Variants in KCNB2 observed in about 807,000 individuals in gnomAD.
The protein encoded by KCNB2 is potassium voltage-gated channel subfamily B member 2, also known as delayed rectifier potassium channel protein.
In KCNB2, 15 loss-of-function variants were observed where a neutral mutation model predicts 61.5. The ratio of observed to expected loss-of-function variants is 0.24; its 90% CI spans 0.16 to 0.38. The LOEUF (loss-of-function observed/expected upper bound fraction) is 0.38. Ranked by LOEUF, KCNB2 falls within the 10% of genes least tolerant of loss-of-function variation. The pLI is 1.00. For synonymous variants in KCNB2, 457 were observed against 446.0 expected, an observed-to-expected ratio of 1.02 and a Z score of -0.31; for missense variants, 828 against 1,125.2, an observed-to-expected ratio of 0.74 and a Z score of 3.78.
intron 2 of KCNB2, among the ~76,000 whole-genome samples, chr8:72,628,945 G>A (rs139599010): frequency 1.2e-4 from 19 of 152,228 alleles, no homozygotes; most frequent in Non-Finnish European, 2.1e-4. Flanking sequence ...TGTGCAGCCC[G>A]AGAATTTATG....
intron 2 of KCNB2, among the ~76,000 whole-genome samples, chr8:72,924,361 AT>A (rs61487070): frequency 0.25 from 37,535 of 151,752 alleles, 5,092 homozygotes; most frequent in African/African-American, 0.35. Flanking sequence ...TCCAATTCTG[AT>A]TTTTTTTTTA....
chr8:72,569,296 G>C (rs775800810), intron 2 of KCNB2, among the ~76,000 whole-genome samples: 2 of 152,116 alleles, frequency 1.3e-5, no homozygotes, highest in Non-Finnish European at 2.9e-5. Flanking sequence ...GAATTCTTTT[G>C]ATTTACTGTT....
intron 1 of KCNB2, among the ~76,000 whole-genome samples, chr8:72,562,465 C>T (rs1806552940): frequency 6.6e-6 from 1 of 152,038 alleles, no homozygotes; most frequent in Admixed American, 6.5e-5. Context: ...TTTTTTTTCT[C>T]TAGAAGACTA....
chr8:72,722,298 C>G (rs1807563914), intron 2 of KCNB2, among the ~76,000 whole-genome samples: 1 of 152,178 alleles, frequency 6.6e-6, no homozygotes, highest in Non-Finnish European at 1.5e-5. Flanking sequence ...TAAATCTTAC[C>G]TGCCAAGATC....
intron 2 of KCNB2, among the ~76,000 whole-genome samples, chr8:72,786,269 C>T (rs1034089938): frequency 6.6e-6 from 1 of 152,090 alleles, no homozygotes; most frequent in African/African-American, 2.4e-5. Context: ...CATGAATACC[C>T]GTAATCCTTT....
At chr8:72,676,380 G>T (rs1360388862) in intron 2 of KCNB2, among the ~76,000 whole-genome samples, 1 of 151,812 alleles carries the variant, frequency 6.6e-6, no homozygotes, top group Non-Finnish European at 1.5e-5. Flanking sequence ...TCTCCCAAAA[G>T]CATCGTGGAA....
intron 2 of KCNB2, among the ~76,000 whole-genome samples, chr8:72,816,546 T>C (rs1809399708): frequency 6.6e-6 from 1 of 152,224 alleles, no homozygotes; most frequent in South Asian, 2.1e-4. Context: ...AGCAGATGAA[T>C]TCAATGGTAA....
intron 2 of KCNB2, among the ~76,000 whole-genome samples, chr8:72,900,393 C>T (rs1299060518): frequency 1.3e-5 from 2 of 151,998 alleles, no homozygotes; most frequent in Non-Finnish European, 2.9e-5. Context: ...AATAAAAATC[C>T]TAAGAGAAAA....
At chr8:72,623,677 ACT>A (rs1214775823) in intron 2 of KCNB2, among the ~76,000 whole-genome samples, 1 of 152,122 alleles carries the variant, frequency 6.6e-6, no homozygotes, top group African/African-American at 2.4e-5. Context: ...TAAAAAGATA[ACT>A]CATTTGTCAC....
intron 1 of KCNB2, among the ~76,000 whole-genome samples, chr8:72,547,062 A>G (rs1806270452): frequency 6.6e-6 from 1 of 152,214 alleles, no homozygotes; most frequent in Admixed American, 6.5e-5. Context: ...GTCCTTAAGA[A>G]TGATGCTAAA....
intron 2 of KCNB2, among the ~76,000 whole-genome samples, chr8:72,896,191 C>G (rs1230310100): frequency 2.0e-5 from 3 of 152,096 alleles, no homozygotes; most frequent in African/African-American, 7.2e-5. Flanking sequence ...ACTCTAATGA[C>G]AAGTTTCAGC....
In KCNB2 at chr8:72,634,107, C is replaced by T. The variant is rs548080228; in HGVS notation, c.579+65794C>T. Among the ~76,000 whole-genome samples the T allele has an allele frequency of 2.9e-3, 439 of 152,266 alleles. 2 individuals carry two copies. The highest frequency in any genetic ancestry group is 4.4e-3 in the Non-Finnish European group (298 of 68,020). On this transcript the variant is annotated intron_variant, in intron 2 of 2. Coordinates refer to ENST00000523207, the MANE Select transcript of KCNB2 (RefSeq NM_004770.3). ...CCCATCTAAATCTGGTTGATGTCCA[C>T]GTTTGGAAGAATTCCTTACATTTGA...
intron 1 of KCNB2, among the ~76,000 whole-genome samples, chr8:72,563,535 G>T (rs1279465369): frequency 6.6e-6 from 1 of 152,112 alleles, no homozygotes; most frequent in East Asian, 1.9e-4. Flanking sequence ...GTTTGGTTTT[G>T]TGCTTGTTTA....
chr8:72,911,124 G>A (rs1398281384), intron 2 of KCNB2, among the ~76,000 whole-genome samples: 1 of 152,138 alleles, frequency 6.6e-6, no homozygotes, highest in Non-Finnish European at 1.5e-5. Flanking sequence ...TTCACTTGGA[G>A]AATTCATTTT....
intron 2 of KCNB2, among the ~76,000 whole-genome samples, chr8:72,900,227 C>G (rs1198236743): frequency 6.6e-6 from 1 of 151,984 alleles, no homozygotes; most frequent in African/African-American, 2.4e-5. Flanking sequence ...ACAAAGCTGA[C>G]AAAAACAAGA....
intron 2 of KCNB2, among the ~76,000 whole-genome samples, chr8:72,775,916 A>G (rs890296979): frequency 3.3e-5 from 5 of 152,168 alleles, no homozygotes; most frequent in Admixed American, 2.6e-4. Context: ...TACCCAAACG[A>G]TTATAAATCA....
chr8:72,681,494 C>G (rs1806753387), intron 2 of KCNB2, among the ~76,000 whole-genome samples: 1 of 152,130 alleles, frequency 6.6e-6, no homozygotes, highest in Non-Finnish European at 1.5e-5. Context: ...CAATAACATG[C>G]ATAGAGCTGT....
intron 1 of KCNB2, among the ~76,000 whole-genome samples, chr8:72,561,734 T>TA (rs1563523432): frequency 3.7e-4 from 6 of 16,124 alleles, no homozygotes; most frequent in African/African-American, 2.7e-3. Flanking sequence ...TATATCTATA[T>TA]CTATATATAT....
intron 2 of KCNB2, among the ~76,000 whole-genome samples, chr8:72,925,749 C>T (rs184961768): frequency 1.8e-4 from 27 of 152,238 alleles, no homozygotes; most frequent in South Asian, 1.2e-3. Context: ...TGGGTTTATA[C>T]GCAAAGTAAT....
Sources: gnomAD v4.1 joint callset for allele counts (sites outside exome capture counted in the v4.1 genomes callset) on GRCh38, gnomAD v4.1.1 for gene constraint, MANE v1.5 for transcripts, NCBI Gene and HGNC (gene_info 2026-07-23, HGNC 2026-07-21) for gene names.